The following TNS1 variants were observed in gnomAD, a reference collection of about 807,000 sequenced individuals.
TNS1 encodes tensin 1.
In TNS1, 62 loss-of-function variants were observed where a neutral mutation model predicts 168.6. That is an observed-to-expected ratio of 0.37 (90% CI 0.30 to 0.45). The LOEUF (loss-of-function observed/expected upper bound fraction) is 0.45. TNS1 is among the 20% of genes least tolerant of loss of function. The pLI, the probability that TNS1 is intolerant of heterozygous loss-of-function variation, is 1.00. For missense variants in TNS1, 2,240 were observed against 2,339.4 expected (o/e 0.96, Z 0.88); for synonymous variants, 934 against 933.2 (o/e 1.00, Z -0.02).
chr2:217,895,490 C>T (rs765936), intron 8 of TNS1, among the ~76,000 whole-genome samples: 134 of 152,324 alleles, frequency 8.8e-4, no homozygotes, highest in African/African-American at 3.1e-3. Flanking sequence ...TTCCGCTTGC[C>T]TCTCACCACA....
At position 217,882,365 on chromosome 2, in the gene TNS1, A is replaced by G. The variant is rs766674922; in HGVS notation, c.1293T>C (p.Tyr431=). Residue 431 remains tyrosine, a synonymous_variant, in exon 17 of 33, where the codon TAT becomes TAC. Coordinates refer to ENST00000682258, the MANE Select transcript of TNS1 (RefSeq NM_001387777.1). ...TTATACCTTGAATTTTCTCTGGCCC[A>G]TAAGAAAATACAAACTCCACTTTGC... ...EYGKVEFVFS[Y]GPEKIQGMEH... The G allele has an allele frequency of 7.5e-6, 12 of 1,605,690 alleles. No individual in the cohort carries two copies. Among genetic ancestry groups the G allele is most frequent in the South Asian group, 1.1e-5 (1 of 88,504 alleles).
At chr2:217,908,081 T>C (rs574944602) in intron 4 of TNS1, among the ~76,000 whole-genome samples, 6 of 152,326 alleles carry the variant, frequency 3.9e-5, no homozygotes, top group African/African-American at 1.4e-4. Flanking sequence ...TTATTTGTGA[T>C]TCTTATTCCA....
chr2:217,831,659 C>G (rs1033101375), intron 21 of TNS1, 112 bp from the exon 22 acceptor site: 8 of 781,856 alleles, frequency 1.0e-5, no homozygotes, highest in South Asian at 2.5e-5. Flanking sequence ...GAGACGGTGC[C>G]GAGGAACCAC....
chr2:217,934,350 G>A (rs556527744), intron 3 of TNS1, among the ~76,000 whole-genome samples: 35 of 152,312 alleles, frequency 2.3e-4, no homozygotes, highest in Middle Eastern at 3.4e-3. Context: ...TCCTAAGGAG[G>A]ACAGGGAGGG....
intron 12 of TNS1, among the ~76,000 whole-genome samples, chr2:217,888,211 G>A (rs1951397811): frequency 6.6e-6 from 1 of 152,238 alleles, no homozygotes; most frequent in Non-Finnish European, 1.5e-5. Flanking sequence ...ATGTGTCTGT[G>A]TTCGAGGGAC....
At chr2:218,026,029 G>A (rs1958847541) in intron 1 of TNS1, among the ~76,000 whole-genome samples, 1 of 152,168 alleles carries the variant, frequency 6.6e-6, no homozygotes, top group Non-Finnish European at 1.5e-5. Flanking sequence ...TTCAAAATCA[G>A]GCATTTCCCC....
At chr2:217,916,408 C>T (rs1260930775) in intron 4 of TNS1, among the ~76,000 whole-genome samples, 1 of 152,188 alleles carries the variant, frequency 6.6e-6, no homozygotes, top group Non-Finnish European at 1.5e-5. Context: ...CATTCCACCC[C>T]CAGTGCAGCT....
rs531846757 is a variant in TNS1, at chr2:217,906,355, G to T, written c.301C>A (p.Arg101=). 1.5e-6 allele frequency: 1 copy of T among 681,594 alleles called. No homozygotes were observed. Among genetic ancestry groups the T allele is most frequent in the Non-Finnish European group, 2.7e-6 (1 of 375,364 alleles). 42.2% of individuals were successfully genotyped at this position (681,594 alleles called of 1,614,324 possible). The part of the protein sequence containing the change: ...GEGASRGGNT[R]KSLEDNGSTR... Reference sequence around the variant, plus strand: ...CTCACGTTGTCCTCGAGGCTTTTCCGTGTGTTTCCACCCCGGGAGGCTCCT... The same window carrying T: ...CTCACGTTGTCCTCGAGGCTTTTCCTTGTGTTTCCACCCCGGGAGGCTCCT... Residue 101 remains arginine (R), a synonymous_variant, in exon 6 of 33, where the codon CGG becomes AGG. Coordinates refer to ENST00000682258, the MANE Select transcript of TNS1 (RefSeq NM_001387777.1).
In TNS1 at chr2:217,814,983, G is replaced by T. The variant is rs374445594; in HGVS notation, c.4658C>A (p.Thr1553Lys). The T allele has an allele frequency of 6.2e-7, 1 of 1,612,656 alleles. No individual in the cohort carries two copies. Among genetic ancestry groups the T allele is most frequent in the Non-Finnish European group, 8.5e-7 (1 of 1,179,350 alleles). Reference sequence around the variant, plus strand: ...CTGGACAAACTTCACTTTAGCCCGCGTCTCCGGGCTGTTGTCTAAAGCAGG... The same window carrying T: ...CTGGACAAACTTCACTTTAGCCCGCTTCTCCGGGCTGTTGTCTAAAGCAGG... Reference protein sequence around the residue: ...KYSMPDNSPETRAKVKFVQDT... With the variant: ...KYSMPDNSPEKRAKVKFVQDT... The change falls in exon 25 of 33, where the codon ACG becomes AAG. Residue 1553 changes from threonine (T) to lysine (K), a missense_variant. By Grantham distance (78) the Thr-to-Lys change is moderately conservative. Transcript: ENST00000682258.
chr2:217,849,457 T>C (rs1947167468), intron 18 of TNS1, among the ~76,000 whole-genome samples: 1 of 152,240 alleles, frequency 6.6e-6, no homozygotes, highest in East Asian at 1.9e-4. Flanking sequence ...AATAATAGAA[T>C]CTGGTTGAAC....
At chr2:218,011,698 C>G (rs537477945), upstream of TNS1, among the ~76,000 whole-genome samples, 149 of 152,270 alleles carry the variant, frequency 9.8e-4, no homozygotes, top group African/African-American at 3.3e-3. Context: ...GCCTGCCCCC[C>G]GCGACAGATT....
chr2:217,921,817 T>C (rs1239159252), intron 3 of TNS1, among the ~76,000 whole-genome samples: 2 of 152,182 alleles, frequency 1.3e-5, no homozygotes, highest in Admixed American at 6.5e-5. Context: ...TTTACCTCTG[T>C]TAACATTTTT....
At chr2:217,900,029 G>T (rs1319066193) in intron 7 of TNS1, among the ~76,000 whole-genome samples, 3 of 152,132 alleles carry the variant, frequency 2.0e-5, no homozygotes, top group African/African-American at 7.2e-5. Flanking sequence ...TTTCATAAAT[G>T]ACTCTGCCCA....
At chr2:217,825,483 G>A (rs909448156) in intron 22 of TNS1, among the ~76,000 whole-genome samples, 1 of 152,146 alleles carries the variant, frequency 6.6e-6, no homozygotes, top group East Asian at 1.9e-4. Flanking sequence ...ACTGTCCTAG[G>A]TTGCTCCATT....
intron 30 of TNS1, among the ~76,000 whole-genome samples, chr2:217,809,352 G>GATGGATGGATGGATGC (rs1940097459): frequency 1.1e-5 from 1 of 94,236 alleles, no homozygotes; most frequent in Non-Finnish European, 2.4e-5. Context: ...TGGATGCATG[G>GATGGATGGATGGATGC]ATGGATGGAT....
intron 6 of TNS1, among the ~76,000 whole-genome samples, chr2:217,904,748 C>T (rs781223807): frequency 6.6e-5 from 10 of 152,254 alleles, no homozygotes; most frequent in Admixed American, 5.9e-4. Flanking sequence ...TTCTTCGTGA[C>T]GTCTAACTTC....
chr2:217,999,224 G>T (rs1433726029), intron 1 of TNS1, among the ~76,000 whole-genome samples: 1 of 152,178 alleles, frequency 6.6e-6, no homozygotes, highest in Non-Finnish European at 1.5e-5. Flanking sequence ...CAGCAGATGG[G>T]GTTGGAGTCT....
chr2:218,021,284 A>C (rs1958804567), intron 1 of TNS1, among the ~76,000 whole-genome samples: 1 of 152,194 alleles, frequency 6.6e-6, no homozygotes. Flanking sequence ...GCCTGGAAGG[A>C]AGAAACAGAG....
chr2:217,908,991 AG>A (rs1954026207), intron 4 of TNS1, among the ~76,000 whole-genome samples: 1 of 152,020 alleles, frequency 6.6e-6, no homozygotes. Context: ...TAACCCACTC[AG>A]GGTAAGTCAG....
Sources: gnomAD v4.1 joint callset for allele counts (sites outside exome capture counted in the v4.1 genomes callset) on GRCh38, gnomAD v4.1.1 for gene constraint, MANE v1.5 for transcripts, NCBI Gene and HGNC (gene_info 2026-07-23, HGNC 2026-07-21) for gene names.